CYRIA: variants seen among roughly 807,000 people sequenced by gnomAD.
CYRIA encodes the protein CYFIP-related Rac1 interactor A.
A neutral mutation model predicts 43.9 loss-of-function variants in CYRIA; 15 were observed. The ratio of observed to expected loss-of-function variants is 0.34; its 90% confidence interval spans 0.23 to 0.53. The LOEUF is 0.53. Among genes scored for constraint, CYRIA ranks in the 20% least tolerant of loss-of-function variants. CYRIA has a pLI of 0.94. For missense variants in CYRIA, 236 were observed against 394.2 expected, an observed-to-expected ratio of 0.60 and a Z score of 3.40; for synonymous variants, 117 against 136.0, an observed-to-expected ratio of 0.86 and a Z score of 0.97.
chr2:16,593,075 C>T (rs963239756), intron 2 of CYRIA, among the ~76,000 whole-genome samples: 1 of 152,136 alleles, frequency 6.6e-6, no homozygotes, highest in Non-Finnish European at 1.5e-5. Context: ...ACTAAATGAA[C>T]TGAGTGTGAA....
intron 3 of CYRIA, among the ~76,000 whole-genome samples, chr2:16,571,692 T>A (rs1267277682): frequency 6.6e-6 from 1 of 152,220 alleles, no homozygotes; most frequent in Non-Finnish European, 1.5e-5. Context: ...TATATAGCTA[T>A]CTCTGTGCCC....
intron 10 of CYRIA, among the ~76,000 whole-genome samples, chr2:16,555,949 C>A (rs1050859501): frequency 1.6e-4 from 24 of 152,060 alleles, no homozygotes; most frequent in Admixed American, 5.2e-4. Flanking sequence ...AGTGTCTTAG[C>A]TTTTTGTGTC....
rs1256442838 is a variant in CYRIA, at chr2:16,551,264, G to C, written c.*1672C>G. ...TCACTAAAGTCCAGAAAGCAATGGA[G>C]TCTTATAGCTCATTCCTGGGATGTT... On this transcript the variant is annotated 3_prime_UTR_variant, in exon 12 of 12. Transcript: ENST00000381323. 2 of 152,154 alleles carry C rather than the reference G, an allele frequency of 1.3e-5. No individual in the cohort carries two copies. The highest frequency in any genetic ancestry group is 2.9e-5 in the Non-Finnish European group (2 of 68,026). 9.4% of individuals were successfully genotyped at this position (152,154 alleles called of 1,614,324 possible). A position where few individuals can be genotyped will look rare whatever the true frequency, so the allele number is the denominator to read the frequency against.
chr2:16,627,208 G>A (rs1572187114), intron 1 of CYRIA, among the ~76,000 whole-genome samples: 1 of 152,190 alleles, frequency 6.6e-6, no homozygotes, highest in African/African-American at 2.4e-5. Context: ...ACAACTGAAG[G>A]GAAGGCAATA....
At chr2:16,626,289 C>T (rs187465101) in intron 1 of CYRIA, among the ~76,000 whole-genome samples, 365 of 152,178 alleles carry the variant, frequency 2.4e-3, no homozygotes, top group African/African-American at 8.1e-3. Flanking sequence ...GTACTGGCTA[C>T]GCATCTAAGA....
chr2:16,590,945 C>T (rs907313822), intron 2 of CYRIA, among the ~76,000 whole-genome samples: 5 of 152,050 alleles, frequency 3.3e-5, no homozygotes, highest in Non-Finnish European at 7.4e-5. Flanking sequence ...TGAATTGGTC[C>T]ATCATCACAC....
At chr2:16,559,715 TTA>T (rs1666662919) in intron 9 of CYRIA, 129 bp from the exon 10 acceptor site, 2 of 959,696 alleles carry the variant, frequency 2.1e-6, no homozygotes, top group African/African-American at 3.3e-5. Context: ...CAACAACCAG[TTA>T]ATATGCTTCT....
intron 1 of CYRIA, among the ~76,000 whole-genome samples, chr2:16,635,932 A>C (rs1157734416): frequency 1.3e-5 from 2 of 152,152 alleles, no homozygotes; most frequent in African/African-American, 2.4e-5. Flanking sequence ...TGCATTTAGC[A>C]CAAACCACCA....
chr2:16,578,640 T>C (rs1251607716), intron 3 of CYRIA, among the ~76,000 whole-genome samples: 2 of 152,166 alleles, frequency 1.3e-5, no homozygotes, highest in African/African-American at 4.8e-5. Context: ...TTTCTACTAA[T>C]GATAAGCTCC....
At chr2:16,613,600 T>A (rs1279258249) in intron 2 of CYRIA, among the ~76,000 whole-genome samples, 1 of 152,252 alleles carries the variant, frequency 6.6e-6, no homozygotes, top group Non-Finnish European at 1.5e-5. Flanking sequence ...AGCTTTTCTC[T>A]GGGCAAATGC....
At chr2:16,621,515 G>A (rs1435286293) in intron 2 of CYRIA, among the ~76,000 whole-genome samples, 1 of 152,116 alleles carries the variant, frequency 6.6e-6, no homozygotes, top group African/African-American at 2.4e-5. Context: ...GAGAAAGGAA[G>A]GGTAGAAGAA....
rs1294576408 is a variant in CYRIA, at chr2:16,622,262, GT to G, written c.-11+1601del. ...GGGACAAAGGGCTAGGAAAGTAGTAGTTCTAACTTTGGGTATGGCAGAGAAA... is the reference window on the plus strand; with the variant it reads ...GGGACAAAGGGCTAGGAAAGTAGTAGTCTAACTTTGGGTATGGCAGAGAAA... On this transcript the variant is annotated intron_variant, in intron 2 of 11. Transcript: ENST00000381323. Among the ~76,000 whole-genome samples the G allele has an allele frequency of 2.6e-5, 4 of 152,332 alleles. No homozygotes were observed. The East Asian group carries it at 7.7e-4, about 29-fold the overall frequency.
chr2:16,587,132 T>C (rs1392628022), intron 3 of CYRIA, among the ~76,000 whole-genome samples: 2 of 152,128 alleles, frequency 1.3e-5, no homozygotes, highest in Non-Finnish European at 2.9e-5. Flanking sequence ...GTCAAAATCC[T>C]GAAGTGGTTT....
At chr2:16,615,399 G>T (rs1202155291) in intron 2 of CYRIA, among the ~76,000 whole-genome samples, 1 of 152,158 alleles carries the variant, frequency 6.6e-6, no homozygotes, top group Non-Finnish European at 1.5e-5. Flanking sequence ...TTACAAGTGG[G>T]CCCCTTGATT....
intron 3 of CYRIA, among the ~76,000 whole-genome samples, chr2:16,570,552 G>A (rs1053199400): frequency 6.6e-6 from 1 of 152,150 alleles, no homozygotes; most frequent in African/African-American, 2.4e-5. Flanking sequence ...AGATTCAAGT[G>A]GTGAACATGT....
At chr2:16,629,196 G>C (rs1572188649) in intron 1 of CYRIA, among the ~76,000 whole-genome samples, 1 of 152,320 alleles carries the variant, frequency 6.6e-6, no homozygotes, top group Admixed American at 6.5e-5. Context: ...TCAGGGGACA[G>C]GCGCATCTCT....
chr2:16,561,344 C>A, intron 7 of CYRIA, 67 bp from the exon 8 acceptor site: 2 of 1,485,236 alleles, frequency 1.3e-6, no homozygotes, highest in Admixed American at 1.7e-5. Flanking sequence ...ATACTTTTCT[C>A]TGGAACTGAA....
intron 2 of CYRIA, among the ~76,000 whole-genome samples, chr2:16,609,925 C>T (rs868388392): frequency 6.6e-6 from 1 of 152,160 alleles, no homozygotes; most frequent in African/African-American, 2.4e-5. Flanking sequence ...GTGTGGTCTG[C>T]CCAGAAGGAC....
At chr2:16,644,350 A>T (rs1433663764) in intron 1 of CYRIA, among the ~76,000 whole-genome samples, 1 of 151,980 alleles carries the variant, frequency 6.6e-6, no homozygotes, top group Non-Finnish European at 1.5e-5. Context: ...TAAGACTGAA[A>T]CTCTTAAGAT....
Sources: allele counts gnomAD v4.1 joint callset (sites outside exome capture counted in the v4.1 genomes callset), GRCh38; gene constraint gnomAD v4.1.1; transcripts MANE v1.5; gene names NCBI Gene and HGNC (gene_info 2026-07-23, HGNC 2026-07-21).